CHMP2B: variants seen among roughly 807,000 people sequenced by gnomAD.
The protein encoded by CHMP2B is charged multivesicular body protein 2B, also known as VPS2 homolog B.
CHMP2B carries 22 observed loss-of-function variants against 29.8 expected under a neutral mutation model. The ratio of observed to expected loss-of-function variants is 0.74; its 90% CI spans 0.53 to 1.05. The LOEUF (loss-of-function observed/expected upper bound fraction) is 1.05. Ranked by LOEUF, CHMP2B falls within the 50% of genes least tolerant of loss-of-function variation. CHMP2B has a pLI of 0.00. For missense variants in CHMP2B, 261 were observed against 252.2 expected, an observed-to-expected ratio of 1.03 and a Z score of -0.24; for synonymous variants, 78 against 75.8, an observed-to-expected ratio of 1.03 and a Z score of -0.15.
rs544589377 is a variant in CHMP2B, at chr3:87,254,893, A to G, written c.*1071A>G. On this transcript the variant is annotated 3_prime_UTR_variant, in exon 6 of 6. Transcript: ENST00000263780. ...CTAAAATAAAAATTCACATTTTTTG[A>G]TAAATAAACTACAGTTTTACCAGAA... 3.3e-4 allele frequency: 50 copies of G among 152,134 alleles called. No individual in the cohort carries two copies. The South Asian group carries it at 9.1e-3, about 28-fold the overall frequency. The allele number at this position is 152,134 out of a possible 1,614,324, so 9.4% of individuals were successfully genotyped here.
At chr3:87,228,933 G>A (rs778415666) in intron 1 of CHMP2B, among the ~76,000 whole-genome samples, 1 of 151,690 alleles carries the variant, frequency 6.6e-6, no homozygotes, top group Non-Finnish European at 1.5e-5. Context: ...ACTCCAGGGA[G>A]TGGGGGTGGG....
At chr3:87,229,931 C>T (rs761138824) in intron 1 of CHMP2B, among the ~76,000 whole-genome samples, 3 of 152,132 alleles carry the variant, frequency 2.0e-5, no homozygotes, top group Non-Finnish European at 4.4e-5. Context: ...CAAAGATGAA[C>T]AAGTCTCTGC....
chr3:87,245,927 A>G lies in CHMP2B; in HGVS notation c.321+19A>G, dbSNP rs772889200. The G allele has an allele frequency of 6.4e-7, 1 of 1,568,238 alleles. No homozygotes were observed. The highest frequency in any genetic ancestry group is 8.7e-7 in the Non-Finnish European group (1 of 1,142,884). The stretch of plus-strand genomic sequence containing the variant: ...AGCAAAAGTAAGTGAGAGCTTTTAT[A>G]TTCATAGATTTTTAATTTTATCAAC... On this transcript the variant is annotated intron_variant, in intron 3 of 5. Transcript: ENST00000263780.
Position 87,240,707 on chromosome 3 carries a change from A to G in CHMP2B, c.43A>G (p.Lys15Glu). 1 of 1,609,632 alleles carries G rather than the reference A, an allele frequency of 6.2e-7. No homozygotes were observed. The highest frequency in any genetic ancestry group is 8.5e-7 in the Non-Finnish European group (1 of 1,175,942). ...FKKKTVDDVIKEQNRELRGTQ... is the reference protein window; with the variant it reads ...FKKKTVDDVIEEQNRELRGTQ... ...TTTTGTGATTCTCCTAGATGTAATA[A>G]AGGAACAGAATCGAGAGTTACGAGG... is the stretch of plus-strand genomic sequence containing the variant. The change falls in exon 2 of 6, where the codon AAG becomes GAG. Residue 15 changes from lysine (K) to glutamate (E), a missense_variant. Transcript: ENST00000263780.
intron 2 of CHMP2B, among the ~76,000 whole-genome samples, chr3:87,243,017 T>G (rs1455779343): frequency 1.3e-5 from 2 of 152,114 alleles, no homozygotes; most frequent in Non-Finnish European, 2.9e-5. Context: ...CATATTAACA[T>G]TGTGTCATAA....
chr3:87,249,547 A>C (rs1001321655), intron 3 of CHMP2B, among the ~76,000 whole-genome samples: 1 of 151,348 alleles, frequency 6.6e-6, no homozygotes, highest in Non-Finnish European at 1.5e-5. Context: ...TATTGACATT[A>C]CCTACTTGCC....
At chr3:87,227,826 G>A (rs1048535038) in intron 1 of CHMP2B, among the ~76,000 whole-genome samples, 1 of 152,214 alleles carries the variant, frequency 6.6e-6, no homozygotes, top group Non-Finnish European at 1.5e-5. Context: ...GCGTTTCGAG[G>A]AGGCTAGCTG....
At position 87,255,417 on chromosome 3, in the gene CHMP2B, G is replaced by T. The variant is rs1244969013; in HGVS notation, c.*1595G>T. ...TGCCATCTAACTTATTTACGTTCTT[G>T]TTTACATGTGGGAGCTTTTGTTTTC... On this transcript the variant is annotated 3_prime_UTR_variant, in exon 6 of 6. Transcript: ENST00000263780. 3 of 152,176 alleles carry T rather than the reference G, an allele frequency of 2.0e-5. No individual in the cohort carries two copies. The highest frequency in any genetic ancestry group is 7.3e-5 in the African/African-American group (3 of 41,320). 9.4% of individuals were successfully genotyped at this position (152,176 alleles called of 1,614,324 possible). A position where few individuals can be genotyped will look rare whatever the true frequency, so the allele number is the denominator to read the frequency against.
chr3:87,242,730 G>T (rs13059495), intron 2 of CHMP2B, among the ~76,000 whole-genome samples: 1 of 151,810 alleles, frequency 6.6e-6, no homozygotes, highest in Non-Finnish European at 1.5e-5. Flanking sequence ...TTCCCTTGTC[G>T]TCTTTGTGGA....
chr3:87,227,826 G>C (rs1048535038), intron 1 of CHMP2B, among the ~76,000 whole-genome samples: 5 of 152,214 alleles, frequency 3.3e-5, no homozygotes, highest in Non-Finnish European at 7.3e-5. Flanking sequence ...GCGTTTCGAG[G>C]AGGCTAGCTG....
Position 87,249,924 on chromosome 3 carries a change from C to T in CHMP2B, c.371C>T (p.Thr124Ile), listed in dbSNP as rs1296686594. Residue 124 changes from threonine to isoleucine, a missense_variant, in exon 4 of 6, where the codon ACA (threonine) becomes ATA (isoleucine). Physicochemically the swap from Thr to Ile is moderately conservative, Grantham distance 89 (BLOSUM62 -1). Transcript: ENST00000263780. ...ATGGATCCACAAAAGACATTACAAACAATGCAGAATTTCCAGAAGGAAAAC... is the reference window on the plus strand; with the variant it reads ...ATGGATCCACAAAAGACATTACAAATAATGCAGAATTTCCAGAAGGAAAAC... Reference protein sequence around the residue: ...KKMDPQKTLQTMQNFQKENMK... With the variant: ...KKMDPQKTLQIMQNFQKENMK... 1 of 1,606,792 alleles carries T rather than the reference C, an allele frequency of 6.2e-7. No homozygotes were observed. Among genetic ancestry groups the T allele is most frequent in the South Asian group, 1.1e-5 (1 of 90,052 alleles).
At chr3:87,253,325 G>T in intron 4 of CHMP2B, 79 bp from the exon 5 acceptor site, 1 of 839,836 alleles carries the variant, frequency 1.2e-6, no homozygotes, top group South Asian at 1.4e-5. Flanking sequence ...AAAATAGTTG[G>T]GCTAGACTGT....
intron 1 of CHMP2B, among the ~76,000 whole-genome samples, chr3:87,232,990 A>C (rs1225616943): frequency 6.6e-6 from 1 of 152,030 alleles, no homozygotes; most frequent in Non-Finnish European, 1.5e-5. Context: ...AGGAGAAAAA[A>C]ATTATTTTTG....
At chr3:87,240,909 G>T in intron 2 of CHMP2B, 119 bp downstream of exon 2, 1 of 748,046 alleles carries the variant, frequency 1.3e-6, no homozygotes, top group Non-Finnish European at 2.4e-6. Context: ...ACTTAATTAA[G>T]AAATGGCAGT....
chr3:87,245,000 T>C (rs1261740601), intron 2 of CHMP2B, among the ~76,000 whole-genome samples: 1 of 152,206 alleles, frequency 6.6e-6, no homozygotes, highest in Non-Finnish European at 1.5e-5. Context: ...TTGAAGCACT[T>C]TTATTAGGTA....
rs1575959708 is a variant in CHMP2B at position 87,227,503 on chromosome 3, C to G, written c.-20C>G. On this transcript the variant is annotated 5_prime_UTR_variant, in exon 1 of 6. Coordinates refer to ENST00000263780, the MANE Select transcript of CHMP2B (RefSeq NM_014043.4). Reference sequence around the variant, plus strand: ...GGCCGGACCGGGCCGAGCCGGGCCGCCCGGGCGCAGTCTTTAACCATGGCG... The same window carrying G: ...GGCCGGACCGGGCCGAGCCGGGCCGGCCGGGCGCAGTCTTTAACCATGGCG... 6.2e-7 allele frequency: 1 copy of G among 1,614,132 alleles called. No homozygotes were observed. The highest frequency in any genetic ancestry group is 8.5e-7 in the Non-Finnish European group (1 of 1,179,984).
chr3:87,232,853 A>G (rs1403706849), intron 1 of CHMP2B, among the ~76,000 whole-genome samples: 1 of 152,210 alleles, frequency 6.6e-6, no homozygotes, highest in African/African-American at 2.4e-5. Context: ...ACAAGACTCA[A>G]AAGTCTACTG....
intron 2 of CHMP2B, among the ~76,000 whole-genome samples, chr3:87,241,606 T>C (rs186842166): frequency 5.9e-5 from 9 of 152,310 alleles, no homozygotes; most frequent in Admixed American, 5.9e-4. Context: ...TAATTATTTT[T>C]AGGTTAATTA....
Position 87,253,885 on chromosome 3 carries a change from GATTTC to G in CHMP2B, c.*64_*68del. The G allele has an allele frequency of 6.2e-6, 7 of 1,131,664 alleles. No homozygotes were observed. Among genetic ancestry groups the G allele is most frequent in the Non-Finnish European group, 9.1e-6 (7 of 768,116 alleles). 70.1% of individuals were successfully genotyped at this position (1,131,664 alleles called of 1,614,324 possible). A position where few individuals can be genotyped will look rare whatever the true frequency, so the allele number is the denominator to read the frequency against. On this transcript the variant is annotated 3_prime_UTR_variant, in exon 6 of 6. Coordinates refer to ENST00000263780, the MANE Select transcript of CHMP2B (RefSeq NM_014043.4). The stretch of plus-strand genomic sequence containing the variant: ...TGTAGTATAAACCAAGCACAGTGCA[GATTTC>G]TTTTACAAAACACATGTATTTTGCA...
Sources: allele counts gnomAD v4.1 joint callset (sites outside exome capture counted in the v4.1 genomes callset), GRCh38; gene constraint gnomAD v4.1.1; transcripts MANE v1.5; gene names NCBI Gene and HGNC (gene_info 2026-07-23, HGNC 2026-07-21).